Variants in NRXN3 observed in about 807,000 individuals in gnomAD.
NRXN3 encodes the protein neurexin III.
In NRXN3, 32 loss-of-function variants were observed where a neutral mutation model predicts 137.6. The observed-to-expected ratio is 0.23, with a 90% CI of 0.18 to 0.31. The LOEUF (loss-of-function observed/expected upper bound fraction) is 0.31. NRXN3 is among the 10% of genes least tolerant of loss of function. NRXN3 has a pLI of 1.00. For missense variants in NRXN3, 1,574 were observed against 2,062.5 expected (o/e 0.76, Z 4.59); for synonymous variants, 798 against 784.5 (o/e 1.02, Z -0.29).
At chr14:79,569,227 G>A (rs1197564797) in intron 16 of NRXN3, among the ~76,000 whole-genome samples, 1 of 151,812 alleles carries the variant, frequency 6.6e-6, no homozygotes, top group Non-Finnish European at 1.5e-5. Context: ...AACAATCCCT[G>A]TTGCCACTCT....
At chr14:78,216,734 G>A (rs1280034298) in intron 1 of NRXN3, among the ~76,000 whole-genome samples, 7 of 152,324 alleles carry the variant, frequency 4.6e-5, no homozygotes, top group Middle Eastern at 3.4e-3. Flanking sequence ...TCATAGTTCT[G>A]GAGGCCAGAA....
intron 15 of NRXN3, among the ~76,000 whole-genome samples, chr14:79,303,149 C>T (rs1045467401): frequency 1.3e-5 from 2 of 152,050 alleles, no homozygotes; most frequent in African/African-American, 2.4e-5. Context: ...TACCCTGCCT[C>T]TTCCAGGCTT....
chr14:78,290,054 A>G (rs1226628082), intron 3 of NRXN3, among the ~76,000 whole-genome samples: 1 of 152,160 alleles, frequency 6.6e-6, no homozygotes, highest in Non-Finnish European at 1.5e-5. Context: ...GGTCCTAGGT[A>G]TTCTCCTTTG....
intron 15 of NRXN3, among the ~76,000 whole-genome samples, chr14:79,070,209 T>G (rs1419102916): frequency 6.6e-6 from 1 of 152,186 alleles, no homozygotes; most frequent in Non-Finnish European, 1.5e-5. Flanking sequence ...GTTTCCGTAA[T>G]GCCCTTGACA....
At chr14:79,529,824 A>G (rs1798090867) in intron 16 of NRXN3, among the ~76,000 whole-genome samples, 1 of 152,224 alleles carries the variant, frequency 6.6e-6, no homozygotes, top group Non-Finnish European at 1.5e-5. Context: ...TCTTTAGTCA[A>G]ATCAAATAAA....
intron 10 of NRXN3, among the ~76,000 whole-genome samples, chr14:78,875,126 C>T (rs773748421): frequency 1.3e-5 from 2 of 152,158 alleles, no homozygotes; most frequent in African/African-American, 4.8e-5. Context: ...GCTTGCATAA[C>T]GTTTTGCTGA....
chr14:78,949,095 A>G (rs561084106), intron 10 of NRXN3, among the ~76,000 whole-genome samples: 1 of 152,264 alleles, frequency 6.6e-6, no homozygotes, highest in East Asian at 1.9e-4. Context: ...TCACTTCCCC[A>G]AAAAGCTGCA....
Position 78,489,780 on chromosome 14 carries a change from G to A in NRXN3, c.758-155340G>A, listed in dbSNP as rs1036480523. 3.3e-5 allele frequency among the ~76,000 whole-genome samples: 5 copies of A among 152,232 alleles called. No homozygotes were observed. In the South Asian group the frequency reaches 6.2e-4, roughly 19 times the overall value. On this transcript the variant is annotated intron_variant, in intron 4 of 20. Coordinates refer to ENST00000335750, the MANE Select transcript of NRXN3 (RefSeq NM_001330195.2). ...TCAGCTGAGAGGGAAGAATTTGGGC[G>A]GGGTGGGAGGCTACATGGAGAAATC...
chr14:79,694,773 C>T (rs973202762), intron 18 of NRXN3, among the ~76,000 whole-genome samples: 3 of 151,850 alleles, frequency 2.0e-5, no homozygotes, highest in Admixed American at 6.6e-5. Context: ...TGGCAGGACA[C>T]GAAGAGTGCT....
intron 16 of NRXN3, among the ~76,000 whole-genome samples, chr14:79,507,907 T>G (rs1358962932): frequency 2.0e-5 from 3 of 152,168 alleles, no homozygotes; most frequent in African/African-American, 4.8e-5. Context: ...GATGTCCTAC[T>G]GGGATGCCTG....
intron 4 of NRXN3, among the ~76,000 whole-genome samples, chr14:78,481,444 G>T (rs1178194450): frequency 6.6e-6 from 1 of 152,160 alleles, no homozygotes; most frequent in African/African-American, 2.4e-5. Context: ...AAGAAGGAAA[G>T]AAAGTCTTGC....
chr14:79,794,285 A>G (rs1483824016), intron 19 of NRXN3, among the ~76,000 whole-genome samples: 1 of 152,040 alleles, frequency 6.6e-6, no homozygotes, highest in Non-Finnish European at 1.5e-5. Flanking sequence ...AATTGCTTGA[A>G]CCTGGGAGGC....
chr14:78,621,148 A>G (rs1297775157), intron 4 of NRXN3, among the ~76,000 whole-genome samples: 1 of 152,230 alleles, frequency 6.6e-6, no homozygotes, highest in African/African-American at 2.4e-5. Flanking sequence ...GATCTAGAGC[A>G]TTGAGGGATA....
At chr14:78,378,271 G>A (rs532808672) in intron 4 of NRXN3, among the ~76,000 whole-genome samples, 156 of 152,270 alleles carry the variant, frequency 1.0e-3, no homozygotes, top group Non-Finnish European at 1.5e-3. Flanking sequence ...GATCACCTGA[G>A]GTCAGGAGTT....
At chr14:78,300,049 CTCT>C (rs1284288858) in intron 4 of NRXN3, among the ~76,000 whole-genome samples, 1 of 152,318 alleles carries the variant, frequency 6.6e-6, no homozygotes, top group African/African-American at 2.4e-5. Flanking sequence ...AAAACCGATA[CTCT>C]TCTTCTCACC....
intron 16 of NRXN3, among the ~76,000 whole-genome samples, chr14:79,517,089 A>T (rs2096994240): frequency 1.3e-5 from 1 of 74,256 alleles, no homozygotes; most frequent in South Asian, 4.4e-4. Context: ...ACACAAATGT[A>T]CAGCCCCCCC....
intron 4 of NRXN3, among the ~76,000 whole-genome samples, chr14:78,616,299 T>TA (rs546696749): frequency 3.9e-5 from 6 of 152,348 alleles, no homozygotes; most frequent in Non-Finnish European, 8.8e-5. Flanking sequence ...GCTCTCTTGT[T>TA]ACTCTTGGTG....
rs2153452547 is a variant in NRXN3 at position 79,380,434 on chromosome 14, G to A, written c.3263-86787G>A. Among the ~76,000 whole-genome samples, 3 of 150,010 alleles carry A rather than the reference G, an allele frequency of 2.0e-5. No individual in the cohort carries two copies. The South Asian group carries it at 6.3e-4, about 31-fold the overall frequency. ...CATTGTTCAGTTCCCACCTATGAGT[G>A]AGAACATGCGGTGTTCGGTTTTCTG... On this transcript the variant is annotated intron_variant, in intron 15 of 20. Transcript: ENST00000335750.
At chr14:78,664,944 A>G (rs1220499445) in intron 6 of NRXN3, among the ~76,000 whole-genome samples, 3 of 152,196 alleles carry the variant, frequency 2.0e-5, no homozygotes, top group African/African-American at 7.2e-5. Context: ...TTCTGCTTAT[A>G]TTCATTTTGT....
Sources: allele counts gnomAD v4.1 joint callset (sites outside exome capture counted in the v4.1 genomes callset), GRCh38; gene constraint gnomAD v4.1.1; transcripts MANE v1.5; gene names NCBI Gene and HGNC (gene_info 2026-07-23, HGNC 2026-07-21).